The following ME3 variants were observed in gnomAD, a reference collection of about 807,000 sequenced individuals.
The protein encoded by ME3 is malic enzyme 3.
In ME3, 48 loss-of-function variants were observed where a neutral mutation model predicts 68.9. The ratio of observed to expected loss-of-function variants is 0.70; its 90% CI spans 0.55 to 0.89. ME3 has a LOEUF of 0.89. Ranked by LOEUF, ME3 falls within the 40% of genes least tolerant of loss-of-function variation. The pLI, the probability that ME3 is intolerant of heterozygous loss-of-function variation, is 0.00. For missense variants in ME3, 675 were observed against 797.4 expected (o/e 0.85, Z 1.85); for synonymous variants, 320 against 318.8 (o/e 1.00, Z -0.04).
chr11:86,595,648 T>C (rs1959315344), intron 2 of ME3, among the ~76,000 whole-genome samples: 1 of 152,206 alleles, frequency 6.6e-6, no homozygotes, highest in African/African-American at 2.4e-5. Flanking sequence ...ACAAAGATCA[T>C]GAGGGGAAGT....
In ME3 at chr11:86,450,285, C is replaced by T. The variant is rs1314419806; in HGVS notation, c.1017+16G>A. 6.2e-7 allele frequency: 1 copy of T among 1,612,510 alleles called. No individual in the cohort carries two copies. Among genetic ancestry groups the T allele is most frequent in the Non-Finnish European group, 8.5e-7 (1 of 1,178,626 alleles). On this transcript the variant is annotated intron_variant, in intron 9 of 14. Coordinates refer to ENST00000543262, the Ensembl canonical transcript of ME3. The stretch of plus-strand genomic sequence containing the variant: ...CTCTTCCTGGAGCAACCAAAGAAAC[C>T]CTCAATGCCACATACCTCGCCTGCA...
rs936331402 is a variant in ME3 at position 86,594,627 on chromosome 11, A to C, written c.184-34804T>G. On this transcript the variant is annotated intron_variant, in intron 2 of 14. Transcript: ENST00000543262. The stretch of plus-strand genomic sequence containing the variant: ...GAAGATCACTTGAGCCCGAGAGGTC[A>C]ACGCTGCAGTGAGCTGTGATTGCAC... Among the ~76,000 whole-genome samples, 12 of 146,214 alleles carry C rather than the reference A, an allele frequency of 8.2e-5. 2 individuals are homozygous for C. Among genetic ancestry groups the C allele is most frequent in the Non-Finnish European group, 1.8e-4 (12 of 67,126 alleles).
intron 4 of ME3, among the ~76,000 whole-genome samples, chr11:86,554,066 C>G (rs1298275441): frequency 6.6e-5 from 10 of 152,224 alleles, no homozygotes; most frequent in Admixed American, 3.3e-4. Flanking sequence ...TCATTAAATG[C>G]ATTAAGATAT....
intron 8 of ME3, among the ~76,000 whole-genome samples, chr11:86,459,013 C>T (rs1251604920): frequency 6.6e-6 from 1 of 152,178 alleles, no homozygotes; most frequent in African/African-American, 2.4e-5. Flanking sequence ...AAGTGGGTGA[C>T]CACCGTCCAG....
At chr11:86,453,479 G>C (rs896832929) in intron 8 of ME3, among the ~76,000 whole-genome samples, 1 of 152,150 alleles carries the variant, frequency 6.6e-6, no homozygotes, top group Non-Finnish European at 1.5e-5. Context: ...TCTGCCAATA[G>C]TAGGTGCTAG....
chr11:86,654,443 T>C (rs1460662616), intron 2 of ME3, among the ~76,000 whole-genome samples: 1 of 152,206 alleles, frequency 6.6e-6, no homozygotes, highest in Non-Finnish European at 1.5e-5. Flanking sequence ...TGGTTCAACA[T>C]ATGCAAATCA....
chr11:86,567,276 A>AAGGG (rs1298022364), intron 2 of ME3, among the ~76,000 whole-genome samples: 8 of 148,970 alleles, frequency 5.4e-5, no homozygotes, highest in Non-Finnish European at 7.5e-5. Flanking sequence ...GGAAGGAAGG[A>AAGGG]AGGGAGGAAA....
At chr11:86,549,393 C>T (rs999464992) in intron 4 of ME3, among the ~76,000 whole-genome samples, 2 of 152,140 alleles carry the variant, frequency 1.3e-5, no homozygotes, top group African/African-American at 4.8e-5. Flanking sequence ...CTTTCTGTTC[C>T]TTCTTAGCTG....
intron 2 of ME3, among the ~76,000 whole-genome samples, chr11:86,628,020 C>T (rs1250950214): frequency 2.6e-5 from 4 of 152,222 alleles, no homozygotes; most frequent in East Asian, 1.9e-4. Context: ...TACTGTGCTA[C>T]GCAGCCTGAG....
intron 7 of ME3, among the ~76,000 whole-genome samples, chr11:86,474,467 C>T (rs1351880109): frequency 2.6e-5 from 4 of 152,128 alleles, no homozygotes; most frequent in African/African-American, 9.7e-5. Flanking sequence ...GACCTCTCAA[C>T]CTCCCAAAGG....
intron 2 of ME3, among the ~76,000 whole-genome samples, chr11:86,575,245 G>A (rs1352225224): frequency 6.8e-6 from 1 of 147,322 alleles, no homozygotes; most frequent in East Asian, 1.9e-4. Flanking sequence ...CCTCATGCTT[G>A]CTGTCACCTC....
At chr11:86,509,544 G>GA (rs1953356482) in intron 4 of ME3, among the ~76,000 whole-genome samples, 1 of 152,216 alleles carries the variant, frequency 6.6e-6, no homozygotes, top group African/African-American at 2.4e-5. Flanking sequence ...CTTTTTGCCT[G>GA]AAGGCAGTCC....
chr11:86,574,923 C>CTATT (rs1958014302), intron 2 of ME3, among the ~76,000 whole-genome samples: 2 of 118,036 alleles, frequency 1.7e-5, no homozygotes, highest in South Asian at 2.4e-4. Context: ...GTGAAGGTAT[C>CTATT]TGCAAATTCC....
At position 86,468,358 on chromosome 11, in the gene ME3, C is replaced by T. The variant is rs185142002; in HGVS notation, c.810-3158G>A. On this transcript the variant is annotated intron_variant, in intron 7 of 14. Coordinates refer to ENST00000543262, the Ensembl canonical transcript of ME3. ...ATCCATCATCCATCCATCCATCCATCCATTTTCCATCCATCCATCATTCAT... is the reference window on the plus strand; with the variant it reads ...ATCCATCATCCATCCATCCATCCATTCATTTTCCATCCATCCATCATTCAT... 9.1e-4 allele frequency among the ~76,000 whole-genome samples: 138 copies of T among 152,066 alleles called. 1 individual carries two copies. Among genetic ancestry groups the T allele is most frequent in the Non-Finnish European group, 1.1e-3 (78 of 67,938 alleles).
intron 2 of ME3, among the ~76,000 whole-genome samples, chr11:86,592,034 G>T (rs1352083050): frequency 5.3e-5 from 8 of 152,290 alleles, no homozygotes; most frequent in African/African-American, 1.9e-4. Context: ...CACTTCCTAT[G>T]AAGAAAATCT....
chr11:86,444,955 G>A (rs1357906097), intron 13 of ME3, among the ~76,000 whole-genome samples: 1 of 152,176 alleles, frequency 6.6e-6, no homozygotes, highest in East Asian at 1.9e-4. Context: ...TGTAATTGAT[G>A]GACACTGTTC....
intron 2 of ME3, among the ~76,000 whole-genome samples, chr11:86,560,773 T>TATA (rs57467556): frequency 7.1e-6 from 1 of 140,100 alleles, no homozygotes; most frequent in African/African-American, 2.7e-5. Context: ...TATATATATA[T>TATA]TTCCAGGACC....
At chr11:86,531,992 C>CAAA (rs1295531000) in intron 4 of ME3, among the ~76,000 whole-genome samples, 1 of 126,284 alleles carries the variant, frequency 7.9e-6, no homozygotes, top group African/African-American at 2.9e-5. Context: ...AAAACCAAAC[C>CAAA]AAAAAAAAAC....
chr11:86,463,220 C>A (rs530727829), intron 8 of ME3, among the ~76,000 whole-genome samples: 18 of 152,164 alleles, frequency 1.2e-4, no homozygotes, highest in African/African-American at 4.3e-4. Context: ...GTCTGTACAG[C>A]TGGAGGCTGT....
Sources: gnomAD v4.1 joint callset for allele counts (sites outside exome capture counted in the v4.1 genomes callset) on GRCh38, gnomAD v4.1.1 for gene constraint, MANE v1.5 for transcripts, NCBI Gene and HGNC (gene_info 2026-07-23, HGNC 2026-07-21) for gene names.